GRIA4: variants seen among roughly 807,000 people sequenced by gnomAD.
GRIA4 encodes glutamate ionotropic receptor AMPA type subunit 4.
A neutral mutation model predicts 104.0 loss-of-function variants in GRIA4; 34 were observed. The observed-to-expected ratio is 0.33, with a 90% confidence interval of 0.25 to 0.44. GRIA4 has a LOEUF of 0.44. GRIA4 is among the 20% of genes least tolerant of loss of function. The probability of loss-of-function intolerance (pLI) is 1.00; values close to 1 mark genes in which losing one functional copy is unlikely to be tolerated. For missense variants in GRIA4, 750 were observed against 1,096.5 expected (o/e 0.68, Z 4.46); for synonymous variants, 386 against 381.9 (o/e 1.01, Z -0.13).
rs1469923337 is a variant in GRIA4, at chr11:105,980,009, T to C, written c.*270T>C. 8 of 338,974 alleles carry C rather than the reference T, an allele frequency of 2.4e-5. No individual in the cohort carries two copies. The highest frequency in any genetic ancestry group is 1.1e-5 in the Non-Finnish European group (2 of 182,206). 21.0% of individuals were successfully genotyped at this position (338,974 alleles called of 1,614,324 possible). A position where few individuals can be genotyped will look rare whatever the true frequency, so the allele number is the denominator to read the frequency against. On this transcript the variant is annotated 3_prime_UTR_variant, in exon 17 of 17. Coordinates refer to ENST00000282499, the MANE Select transcript of GRIA4 (RefSeq NM_000829.4). ...GGGGAGGGATCTGGGATGGGTGTATTAACAGCAACAAATTTCATTCGAGTG... is the reference window on the plus strand; with the variant it reads ...GGGGAGGGATCTGGGATGGGTGTATCAACAGCAACAAATTTCATTCGAGTG...
chr11:105,697,283 G>A (rs1565472634), intron 3 of GRIA4, among the ~76,000 whole-genome samples: 1 of 151,928 alleles, frequency 6.6e-6, no homozygotes, highest in African/African-American at 2.4e-5. Flanking sequence ...GAAAGCTAGA[G>A]TCTCTCTCTC....
At chr11:105,669,675 A>T (rs554641675) in intron 3 of GRIA4, among the ~76,000 whole-genome samples, 1 of 152,232 alleles carries the variant, frequency 6.6e-6, no homozygotes, top group South Asian at 2.1e-4. Flanking sequence ...GACTTTACAC[A>T]TATGTATAAA....
chr11:105,733,956 T>A (rs144944267), intron 3 of GRIA4, among the ~76,000 whole-genome samples: 4 of 149,848 alleles, frequency 2.7e-5, no homozygotes, highest in African/African-American at 7.3e-5. Flanking sequence ...TATGTTCCCA[T>A]AATGATAACC....
intron 14 of GRIA4, among the ~76,000 whole-genome samples, chr11:105,956,586 A>G (rs373185612): frequency 1.2e-3 from 179 of 152,316 alleles, no homozygotes; most frequent in East Asian, 9.8e-3. Context: ...ATGTGTCTTT[A>G]TATCAGCATG....
chr11:105,785,593 T>C (rs1358541179), intron 4 of GRIA4, among the ~76,000 whole-genome samples: 1 of 152,226 alleles, frequency 6.6e-6, no homozygotes, highest in African/African-American at 2.4e-5. Flanking sequence ...TTCCAAACCA[T>C]GGTCCTTCCC....
intron 4 of GRIA4, among the ~76,000 whole-genome samples, chr11:105,815,864 G>T (rs887788759): frequency 6.6e-6 from 1 of 152,100 alleles, no homozygotes; most frequent in Non-Finnish European, 1.5e-5. Context: ...CATTTCATAT[G>T]ATTTAGTTTA....
chr11:105,932,132 T>C (rs578110021), intron 13 of GRIA4, among the ~76,000 whole-genome samples: 1 of 151,974 alleles, frequency 6.6e-6, no homozygotes, highest in East Asian at 1.9e-4. Flanking sequence ...GATTCAGGCT[T>C]TTCTTTTCTT....
intron 4 of GRIA4, among the ~76,000 whole-genome samples, chr11:105,828,149 T>C (rs1203631464): frequency 1.3e-5 from 2 of 152,034 alleles, no homozygotes; most frequent in Non-Finnish European, 2.9e-5. Flanking sequence ...CATTTTTAAA[T>C]GCAGCTGAAG....
At chr11:105,881,524 G>C (rs1424114011) in intron 5 of GRIA4, among the ~76,000 whole-genome samples, 1 of 152,132 alleles carries the variant, frequency 6.6e-6, no homozygotes, top group African/African-American at 2.4e-5. Flanking sequence ...ATCTTTCACT[G>C]AAAGTCAGTC....
intron 13 of GRIA4, 109 bp from the exon 14 acceptor site, chr11:105,933,613 A>G: frequency 1.4e-6 from 1 of 733,650 alleles, no homozygotes; most frequent in Non-Finnish European, 2.2e-6. Flanking sequence ...AATTGGAGTT[A>G]GAGAGCAATG....
chr11:105,661,811 T>G (rs1441492038), intron 3 of GRIA4, among the ~76,000 whole-genome samples: 2 of 151,820 alleles, frequency 1.3e-5, no homozygotes, highest in East Asian at 3.9e-4. Context: ...GGAACAGGAC[T>G]AGAGAAAGAT....
At chr11:105,722,572 A>G (rs553287214) in intron 3 of GRIA4, among the ~76,000 whole-genome samples, 2 of 152,194 alleles carry the variant, frequency 1.3e-5, no homozygotes, top group African/African-American at 4.8e-5. Flanking sequence ...GGTTGTACCA[A>G]TTCATGTTTT....
chr11:105,782,084 G>A (rs900451295), intron 4 of GRIA4, among the ~76,000 whole-genome samples: 1 of 152,120 alleles, frequency 6.6e-6, no homozygotes, highest in East Asian at 1.9e-4. Context: ...GCTCAGGGGC[G>A]ACACATTTGG....
chr11:105,858,569 G>C (rs1053699491), intron 4 of GRIA4, among the ~76,000 whole-genome samples: 2 of 151,938 alleles, frequency 1.3e-5, no homozygotes, highest in African/African-American at 4.8e-5. Flanking sequence ...GTTGACTTTA[G>C]TCACCCTGTT....
intron 3 of GRIA4, among the ~76,000 whole-genome samples, chr11:105,712,113 T>C (rs1045818557): frequency 2.6e-5 from 4 of 152,090 alleles, no homozygotes; most frequent in Admixed American, 2.0e-4. Context: ...TATATAGATA[T>C]ATGAAATTGT....
chr11:105,730,187 G>A (rs1018488031), intron 3 of GRIA4, among the ~76,000 whole-genome samples: 1 of 152,112 alleles, frequency 6.6e-6, no homozygotes, highest in African/African-American at 2.4e-5. Flanking sequence ...CAAAGTCTCA[G>A]GATACAAAAT....
chr11:105,921,904 T>C (rs1220692725), intron 11 of GRIA4, among the ~76,000 whole-genome samples: 1 of 151,982 alleles, frequency 6.6e-6, no homozygotes, highest in Admixed American at 6.6e-5. Flanking sequence ...TAGAATAAAA[T>C]ACATAATATT....
chr11:105,659,883 A>G (rs1321469683), intron 3 of GRIA4, among the ~76,000 whole-genome samples: 6 of 151,956 alleles, frequency 3.9e-5, no homozygotes, highest in African/African-American at 1.4e-4. Context: ...TTTCTAACTA[A>G]TATTCTCAGA....
At chr11:105,882,320 T>C (rs186055130) in intron 5 of GRIA4, among the ~76,000 whole-genome samples, 57 of 152,322 alleles carry the variant, frequency 3.7e-4, no homozygotes, top group Non-Finnish European at 6.2e-4. Flanking sequence ...TGCATGTCTT[T>C]AGTTTGGAAG....
Sources: allele counts gnomAD v4.1 joint callset (sites outside exome capture counted in the v4.1 genomes callset), GRCh38; gene constraint gnomAD v4.1.1; transcripts MANE v1.5; gene names NCBI Gene and HGNC (gene_info 2026-07-23, HGNC 2026-07-21).